The following TRPM2 variants were observed in gnomAD, a reference collection of about 807,000 sequenced individuals.
The protein encoded by TRPM2 is estrogen-responsive element-associated gene 1 protein.
TRPM2 carries 161 observed loss-of-function variants against 174.0 expected under a neutral mutation model. The ratio of observed to expected loss-of-function variants is 0.93; its 90% CI spans 0.81 to 1.05. The LOEUF (loss-of-function observed/expected upper bound fraction) is 1.05, where lower values mean the gene tolerates loss of function less well. Ranked by LOEUF, TRPM2 falls within the 50% of genes least tolerant of loss-of-function variation. TRPM2 has a pLI of 0.00. For synonymous variants in TRPM2, 954 were observed against 861.3 expected (o/e 1.11, Z -1.88); for missense variants, 2,057 against 2,038.0 (o/e 1.01, Z -0.18).
chr21:44,354,566 A>G lies in TRPM2; in HGVS notation c.166-82A>G. 2 of 1,248,040 alleles carry G rather than the reference A, an allele frequency of 1.6e-6. No individual in the cohort carries two copies. The highest frequency in any genetic ancestry group is 1.2e-6 in the Non-Finnish European group (1 of 850,242). 77.3% of individuals were successfully genotyped at this position (1,248,040 alleles called of 1,614,324 possible). On this transcript the variant is annotated intron_variant, in intron 1 of 31. Coordinates refer to ENST00000397928, the MANE Select transcript of TRPM2 (RefSeq NM_003307.4). This position sits in a 1 kb window ranked among gnomAD's most constrained non-coding sequence, Gnocchi z 4.3. ...CAAGCAAATAGTGTGAAAGCTCCTC[A>G]AGGAGCTCAGATGTGTCTCCAGGGG...
At chr21:44,356,552 G>A (rs1877730124) in intron 2 of TRPM2, among the ~76,000 whole-genome samples, 1 of 141,480 alleles carries the variant, frequency 7.1e-6, no homozygotes, top group South Asian at 2.2e-4. Flanking sequence ...TTTTTTTTGA[G>A]ACGGGGTCTC....
At chr21:44,427,657 C>T (rs1281080711) in intron 27 of TRPM2, among the ~76,000 whole-genome samples, 2 of 152,134 alleles carry the variant, frequency 1.3e-5, no homozygotes, top group African/African-American at 4.8e-5. Flanking sequence ...GGAGGAGGGG[C>T]CACCAGAACC....
At chr21:44,384,127 AG>A (rs2048956918) in intron 9 of TRPM2, among the ~76,000 whole-genome samples, 1 of 152,192 alleles carries the variant, frequency 6.6e-6, no homozygotes, top group Non-Finnish European at 1.5e-5. Flanking sequence ...CTAAGAAAAA[AG>A]AAAGAAGATT....
chr21:44,429,278 CTTTTTTTTTTTTTT>C (rs35708355), intron 27 of TRPM2, among the ~76,000 whole-genome samples: 6 of 44,196 alleles, frequency 1.4e-4, no homozygotes, highest in South Asian at 1.2e-3. Flanking sequence ...TTTTCTTTTT[CTTTTTTTTTTTTTT>C]TTTTTTTTTT....
Position 44,406,757 on chromosome 21 carries a change from A to C in TRPM2, c.2954A>C (p.Tyr985Ser), listed in dbSNP as rs199677360. ...ACCATCTTCGGGCAGATCCCGGGCT[A>C]CATCGACGGTAGGAGCCGGGCGCCA... Reference protein sequence around the residue: ...YLTIFGQIPGYIDGVNFNPEH... With the variant: ...YLTIFGQIPGSIDGVNFNPEH... Residue 985 changes from tyrosine to serine, a missense_variant, in exon 19 of 32, where the codon TAC becomes TCC. Transcript: ENST00000397928. The C allele has an allele frequency of 3.1e-6, 5 of 1,603,118 alleles. No individual in the cohort carries two copies. In the South Asian group the frequency reaches 5.6e-5, roughly 18 times the overall value.
intron 2 of TRPM2, among the ~76,000 whole-genome samples, chr21:44,357,873 A>G (rs2048103459): frequency 6.6e-6 from 1 of 152,294 alleles, no homozygotes; most frequent in South Asian, 2.1e-4. Context: ...AGCCGCTCTC[A>G]TCTCACCAAC....
At chr21:44,384,978 A>T (rs1651260197) in intron 9 of TRPM2, among the ~76,000 whole-genome samples, 1 of 152,238 alleles carries the variant, frequency 6.6e-6, no homozygotes, top group Admixed American at 6.5e-5. Context: ...GACAGACACT[A>T]CAAGAAAAGA....
chr21:44,399,513 G>C lies in TRPM2; in HGVS notation c.2208+72G>C. Reference sequence around the variant, plus strand: ...GCAGGGCGGACACAGCCTCCTGTTCGTGCAGTTGGCACGCACACTCACACA... The same window carrying C: ...GCAGGGCGGACACAGCCTCCTGTTCCTGCAGTTGGCACGCACACTCACACA... On this transcript the variant is annotated intron_variant, in intron 14 of 31. Transcript: ENST00000397928. The surrounding 1 kb of genome is among the most constrained non-coding windows in gnomAD (Gnocchi z 4.6). The C allele has an allele frequency of 2.0e-6, 3 of 1,536,912 alleles. No individual in the cohort carries two copies. The highest frequency in any genetic ancestry group is 3.9e-5 in the Admixed American group (2 of 51,064).
rs947067081 is a variant in TRPM2 at position 44,367,463 on chromosome 21, G to A, written c.604+529G>A. ...CACTTAAGGCAACTGCCTGGTTGGAGTCAAATCACCTCCCAAGGTTGCACC... is the reference window on the plus strand; with the variant it reads ...CACTTAAGGCAACTGCCTGGTTGGAATCAAATCACCTCCCAAGGTTGCACC... On this transcript the variant is annotated intron_variant, in intron 4 of 31. Coordinates refer to ENST00000397928, the MANE Select transcript of TRPM2 (RefSeq NM_003307.4). The surrounding 1 kb of genome is among the most constrained non-coding windows in gnomAD (Gnocchi z 4.6). 6.6e-6 allele frequency among the ~76,000 whole-genome samples: 1 copy of A among 152,236 alleles called. No individual in the cohort carries two copies. Among genetic ancestry groups the A allele is most frequent in the Non-Finnish European group, 1.5e-5 (1 of 68,038 alleles).
chr21:44,425,799 C>A lies in TRPM2; in HGVS notation c.3767C>A (p.Pro1256His). 1 of 1,581,324 alleles carries A rather than the reference C, an allele frequency of 6.3e-7. No individual in the cohort carries two copies. Residue 1256 changes from proline to histidine, a missense_variant, in exon 25 of 32, where the codon CCC becomes CAC. Physicochemically the swap from Pro to His is moderately conservative, Grantham distance 77. Coordinates refer to ENST00000397928, the MANE Select transcript of TRPM2 (RefSeq NM_003307.4). The stretch of plus-strand genomic sequence containing the variant: ...CCCAACTGCCCTGTCACGCGCTTCC[C>A]CGTGCCCAACGAGAAGGTGCCCTGG... The part of the protein sequence containing the change: ...LYPNCPVTRF[P>H]VPNEKVPWET...
chr21:44,372,352 C>A (rs528095652), intron 5 of TRPM2, among the ~76,000 whole-genome samples: 1 of 151,940 alleles, frequency 6.6e-6, no homozygotes, highest in Admixed American at 6.6e-5. Context: ...AAAAATTAGC[C>A]GGGCATGGTG....
chr21:44,364,799 C>A (rs2048312655), intron 3 of TRPM2, among the ~76,000 whole-genome samples: 1 of 152,154 alleles, frequency 6.6e-6, no homozygotes, highest in Admixed American at 6.5e-5. Context: ...CCAGGCTGAG[C>A]CTGGCCTGCA....
rs139554968 is a variant in TRPM2, at chr21:44,399,352, C to T, written c.2119C>T (p.Arg707Cys). The T allele has an allele frequency of 5.0e-5, 80 of 1,612,716 alleles. 1 individual carries two copies. Among genetic ancestry groups the T allele is most frequent in the Middle Eastern group, 3.3e-4 (2 of 6,084 alleles). Residue 707 changes from arginine to cysteine, a missense_variant, in exon 14 of 32, where the codon CGC becomes TGC. Physicochemically the swap from Arg to Cys is radical, Grantham distance 180. Transcript: ENST00000397928. The surrounding 1 kb of genome is among the most constrained non-coding windows in gnomAD (Gnocchi z 4.6). ...AGAGAGAGCCCAGAAACTGCTCACC[C>T]GCGTGTCCGAGGCCTGGGGGAAGAC... ...DEERAQKLLTRVSEAWGKTTC... is the reference protein window; with the variant it reads ...DEERAQKLLTCVSEAWGKTTC...
chr21:44,357,089 C>T (rs1282473654), intron 2 of TRPM2, among the ~76,000 whole-genome samples: 1 of 152,176 alleles, frequency 6.6e-6, no homozygotes, highest in Admixed American at 6.5e-5. Flanking sequence ...TTGTCTCATC[C>T]TGTGACTTAG....
intron 11 of TRPM2, among the ~76,000 whole-genome samples, chr21:44,394,566 G>T (rs904865185): frequency 6.6e-6 from 1 of 150,710 alleles, no homozygotes; most frequent in Non-Finnish European, 1.5e-5. Flanking sequence ...TGATACTCCC[G>T]CCTTGGCCTC....
chr21:44,412,368 A>G (rs1479567568), intron 19 of TRPM2, among the ~76,000 whole-genome samples: 2 of 151,972 alleles, frequency 1.3e-5, no homozygotes, highest in Non-Finnish European at 2.9e-5. Context: ...AGATCATCTA[A>G]TTTTTTTAGC....
intron 11 of TRPM2, 132 bp from the exon 12 acceptor site, chr21:44,395,282 T>C: frequency 8.9e-7 from 1 of 1,118,512 alleles, no homozygotes; most frequent in South Asian, 1.6e-5. Flanking sequence ...AAATGCAGGT[T>C]GTAGTTCTCC....
Position 44,395,544 on chromosome 21 carries a change from G to A in TRPM2, c.1925G>A (p.Trp642Ter), listed in dbSNP as rs1398504934. The change falls in exon 12 of 32, where the codon TGG (tryptophan) becomes TAG (stop). Residue 642 changes from tryptophan to a stop codon, truncating the protein, a stop_gained. Coordinates refer to ENST00000397928, the MANE Select transcript of TRPM2 (RefSeq NM_003307.4). LOFTEE classifies it high-confidence loss of function. ...CGTCGGGAGCTGGCAGGAATCATCT[G>A]GGCTCAGGTAATAAGACTGGCTTCT... The part of the protein sequence containing the change: ...QNRRELAGII[W>*]AQSQDCIAAA... 2 of 1,612,954 alleles carry A rather than the reference G, an allele frequency of 1.2e-6. No individual in the cohort carries two copies. Among genetic ancestry groups the A allele is most frequent in the East Asian group, 2.2e-5 (1 of 44,858 alleles).
At chr21:44,373,546 T>C (rs1440720489) in intron 5 of TRPM2, among the ~76,000 whole-genome samples, 2 of 103,244 alleles carry the variant, frequency 1.9e-5, no homozygotes, top group African/African-American at 3.2e-5. Flanking sequence ...TTTTCTGCAT[T>C]ATATGCGACC....
Sources: allele counts gnomAD v4.1 joint callset (sites outside exome capture counted in the v4.1 genomes callset), GRCh38; gene constraint gnomAD v4.1.1; non-coding constraint Gnocchi (gnomAD v3.1); transcripts MANE v1.5; gene names NCBI Gene and HGNC (gene_info 2026-07-23, HGNC 2026-07-21).